BBX: variants seen among roughly 807,000 people sequenced by gnomAD.
BBX encodes the protein BBX high mobility group box domain containing.
BBX carries 30 observed loss-of-function variants against 100.2 expected under a neutral mutation model. That is an observed-to-expected ratio of 0.30 (90% CI 0.22 to 0.41). The LOEUF is 0.41. BBX is among the 10% of genes least tolerant of loss of function. The probability of loss-of-function intolerance (pLI) is 1.00; values close to 1 mark genes in which losing one functional copy is unlikely to be tolerated. For missense variants in BBX, 1,023 were observed against 1,129.8 expected, an observed-to-expected ratio of 0.91 and a Z score of 1.35; for synonymous variants, 376 against 388.1, an observed-to-expected ratio of 0.97 and a Z score of 0.37.
intron 2 of BBX, among the ~76,000 whole-genome samples, chr3:107,586,205 T>C (rs983172068): frequency 6.6e-6 from 1 of 152,184 alleles, no homozygotes; most frequent in African/African-American, 2.4e-5. Context: ...ATTTATATAT[T>C]ATTAACTAAC....
At chr3:107,631,425 GTC>G (rs1382667139) in intron 2 of BBX, among the ~76,000 whole-genome samples, 1 of 152,132 alleles carries the variant, frequency 6.6e-6, no homozygotes, top group Non-Finnish European at 1.5e-5. Flanking sequence ...TGTCAAGTAA[GTC>G]TCCCAGTGTA....
intron 2 of BBX, among the ~76,000 whole-genome samples, chr3:107,638,829 A>G (rs2057023453): frequency 7.7e-6 from 1 of 129,300 alleles, no homozygotes; most frequent in African/African-American, 3.0e-5. Flanking sequence ...ACACACACAC[A>G]CACAGACAAA....
At chr3:107,621,910 CT>C (rs1312977582) in intron 2 of BBX, among the ~76,000 whole-genome samples, 2 of 151,986 alleles carry the variant, frequency 1.3e-5, no homozygotes, top group African/African-American at 4.8e-5. Flanking sequence ...TCTAGGTTTG[CT>C]TTTTTTAAAC....
chr3:107,767,847 G>A (rs1415348012), intron 10 of BBX, among the ~76,000 whole-genome samples: 2 of 152,042 alleles, frequency 1.3e-5, no homozygotes, highest in African/African-American at 4.8e-5. Context: ...TTCCACGTAG[G>A]TTCTACTAAT....
At chr3:107,785,200 G>A (rs2068286990) in intron 13 of BBX, among the ~76,000 whole-genome samples, 1 of 148,180 alleles carries the variant, frequency 6.7e-6, no homozygotes, top group Non-Finnish European at 1.5e-5. Flanking sequence ...AAAAGCCCAG[G>A]CCCAGATGGC....
At chr3:107,804,095 T>C (rs754919435) in intron 17 of BBX, among the ~76,000 whole-genome samples, 2 of 152,194 alleles carry the variant, frequency 1.3e-5, no homozygotes, top group African/African-American at 4.8e-5. Flanking sequence ...AACATCCACA[T>C]GTGAATAGCT....
chr3:107,574,277 C>T (rs1483743670), intron 2 of BBX, among the ~76,000 whole-genome samples: 1 of 152,132 alleles, frequency 6.6e-6, no homozygotes, highest in Non-Finnish European at 1.5e-5. Flanking sequence ...GGTAGGTAAT[C>T]CAATATCACA....
chr3:107,693,277 C>T (rs1291982200), intron 3 of BBX, among the ~76,000 whole-genome samples: 1 of 151,762 alleles, frequency 6.6e-6, no homozygotes, highest in African/African-American at 2.4e-5. Flanking sequence ...CTTGTCCATG[C>T]CTATGTCCTG....
At chr3:107,741,493 T>C (rs966290696) in intron 7 of BBX, among the ~76,000 whole-genome samples, 1 of 152,198 alleles carries the variant, frequency 6.6e-6, no homozygotes, top group African/African-American at 2.4e-5. Flanking sequence ...TAGCAACACC[T>C]AGTGGCTTTA....
intron 7 of BBX, among the ~76,000 whole-genome samples, chr3:107,744,243 T>G (rs2064379591): frequency 6.6e-6 from 1 of 152,166 alleles, no homozygotes. Flanking sequence ...AATAAATATT[T>G]ACATCTTGTG....
chr3:107,539,676 C>T (rs1481439130), intron 2 of BBX, among the ~76,000 whole-genome samples: 1 of 152,018 alleles, frequency 6.6e-6, no homozygotes, highest in Non-Finnish European at 1.5e-5. Context: ...ATATACTAGG[C>T]TATTAATATG....
chr3:107,583,067 G>C (rs1215267800), intron 2 of BBX, among the ~76,000 whole-genome samples: 1 of 151,428 alleles, frequency 6.6e-6, no homozygotes, highest in African/African-American at 2.4e-5. Context: ...AGATAATAAA[G>C]CAACTATGAA....
Position 107,805,421 on chromosome 3 carries a change from G to A in BBX, c.2790G>A (p.Pro930=), listed in dbSNP as rs776550174. ...ATGATGGACAGCCAAAAGAAATGCCGCAGGCTCCTGTACTTATTTCCTGCG... is the reference window on the plus strand; with the variant it reads ...ATGATGGACAGCCAAAAGAAATGCCACAGGCTCCTGTACTTATTTCCTGCG... ...LTHDGQPKEM[P]QAPVLISCAD... The change falls in exon 18 of 18, where the codon CCG becomes CCA. Residue 930 remains proline (P), a synonymous_variant. Transcript: ENST00000325805. 9 of 1,613,906 alleles carry A rather than the reference G, an allele frequency of 5.6e-6. No individual in the cohort carries two copies. The highest frequency in any genetic ancestry group is 4.4e-5 in the South Asian group (4 of 91,076).
intron 10 of BBX, among the ~76,000 whole-genome samples, chr3:107,769,164 T>C (rs1186481919): frequency 6.9e-6 from 1 of 144,096 alleles, no homozygotes; most frequent in African/African-American, 2.7e-5. Flanking sequence ...CACGACTCTA[T>C]CATTCATAGA....
At chr3:107,717,253 G>A (rs912052020) in intron 5 of BBX, among the ~76,000 whole-genome samples, 3 of 152,014 alleles carry the variant, frequency 2.0e-5, no homozygotes, top group African/African-American at 7.2e-5. Flanking sequence ...TTTATTGTCA[G>A]AGAATGCCCA....
At chr3:107,680,703 G>A (rs1172375377) in intron 3 of BBX, among the ~76,000 whole-genome samples, 1 of 152,136 alleles carries the variant, frequency 6.6e-6, no homozygotes, top group African/African-American at 2.4e-5. Context: ...GTTAAGACAT[G>A]CTGCCCATGT....
rs1017492662 is a variant in BBX at position 107,525,754 on chromosome 3, A to C, written c.-155-573A>C. ...CACTTGCCGCTGTGGGCTTTGGCGA[A>C]TGTGTTTTCCCTGGTCGGTTCCTAT... On this transcript the variant is annotated intron_variant, in intron 1 of 17. Coordinates refer to ENST00000325805, the MANE Select transcript of BBX (RefSeq NM_001142568.3). Among the ~76,000 whole-genome samples, 69 of 152,044 alleles carry C rather than the reference A, an allele frequency of 4.5e-4. 1 individual carries two copies. Among genetic ancestry groups the C allele is most frequent in the African/African-American group, 1.6e-3 (66 of 41,392 alleles).
At position 107,661,808 on chromosome 3, in the gene BBX, CTG is replaced by C. The variant is rs559271315; in HGVS notation, c.-10+15903_-10+15904del. Reference sequence around the variant, plus strand: ...TGTTTCTCCTGACTGTCTCTGGTCTCTGTGTTTTTCTTGTCCCAGGCACCCTC... The same window carrying C: ...TGTTTCTCCTGACTGTCTCTGGTCTCTGTTTTTCTTGTCCCAGGCACCCTC... On this transcript the variant is annotated intron_variant, in intron 3 of 17. Coordinates refer to ENST00000325805, the MANE Select transcript of BBX (RefSeq NM_001142568.3). The C allele has an allele frequency of 4.5e-4, 393 of 867,484 alleles. 1 individual carries two copies. The highest frequency in any genetic ancestry group is 4.9e-4 in the Non-Finnish European group (356 of 722,726). 53.7% of individuals were successfully genotyped at this position (867,484 alleles called of 1,614,324 possible). A position where few individuals can be genotyped will look rare whatever the true frequency, so the allele number is the denominator to read the frequency against.
At chr3:107,531,407 C>T (rs2048152127) in intron 2 of BBX, among the ~76,000 whole-genome samples, 1 of 152,072 alleles carries the variant, frequency 6.6e-6, no homozygotes, top group South Asian at 2.1e-4. Context: ...CATATGTGCA[C>T]AATGGGTATG....
Sources: gnomAD v4.1 joint callset for allele counts (sites outside exome capture counted in the v4.1 genomes callset) on GRCh38, gnomAD v4.1.1 for gene constraint, MANE v1.5 for transcripts, NCBI Gene and HGNC (gene_info 2026-07-23, HGNC 2026-07-21) for gene names.